The following RHOT1 variants were observed in gnomAD, a reference collection of about 807,000 sequenced individuals.
RHOT1 encodes the protein ras homolog family member T1.
In RHOT1, 27 loss-of-function variants were observed where a neutral mutation model predicts 95.3. That is an observed-to-expected ratio of 0.28 (90% CI 0.21 to 0.39). The LOEUF (loss-of-function observed/expected upper bound fraction) is 0.39, where lower values mean the gene tolerates loss of function less well. Ranked by LOEUF, RHOT1 falls within the 10% of genes least tolerant of loss-of-function variation. The pLI is 1.00. For missense variants in RHOT1, 578 were observed against 786.7 expected (o/e 0.73, Z 3.17); for synonymous variants, 227 against 263.5 (o/e 0.86, Z 1.34).
At chr17:32,169,172 G>A (rs2034364364) in intron 1 of RHOT1, among the ~76,000 whole-genome samples, 2 of 152,112 alleles carry the variant, frequency 1.3e-5, no homozygotes, top group South Asian at 4.1e-4. Flanking sequence ...CCAGAGACTG[G>A]ACTTGTGTTC....
At chr17:32,142,840 C>T in intron 1 of RHOT1, 111 bp downstream of exon 1, 1 of 933,864 alleles carries the variant, frequency 1.1e-6, no homozygotes, top group Admixed American at 2.3e-5. Context: ...CGGCCCTTCT[C>T]GCGCCTCACA....
At chr17:32,172,410 G>T (rs940568643) in intron 2 of RHOT1, among the ~76,000 whole-genome samples, 2 of 152,188 alleles carry the variant, frequency 1.3e-5, no homozygotes, top group African/African-American at 4.8e-5. Context: ...CCTCTTGATT[G>T]TGGATAAGGG....
chr17:32,165,384 A>G (rs1270802580), intron 1 of RHOT1, among the ~76,000 whole-genome samples: 2 of 148,812 alleles, frequency 1.3e-5, no homozygotes, highest in Non-Finnish European at 3.0e-5. Context: ...TTAGCCAGGC[A>G]TGGTGGCACA....
At chr17:32,176,615 C>T (rs1026287115) in intron 6 of RHOT1, among the ~76,000 whole-genome samples, 1 of 151,518 alleles carries the variant, frequency 6.6e-6, no homozygotes, top group African/African-American at 2.4e-5. Flanking sequence ...CTCTGTCGCC[C>T]AGGCTGGAGT....
At chr17:32,166,757 G>A (rs1241921788) in intron 1 of RHOT1, among the ~76,000 whole-genome samples, 1 of 152,096 alleles carries the variant, frequency 6.6e-6, no homozygotes, top group Admixed American at 6.6e-5. Flanking sequence ...ACATTTTTAG[G>A]CTTCACTTCT....
intron 19 of RHOT1, among the ~76,000 whole-genome samples, chr17:32,217,956 A>G (rs1567733326): frequency 1.3e-5 from 2 of 151,560 alleles, no homozygotes; most frequent in Admixed American, 6.6e-5. Context: ...CCCACCTCCC[A>G]GGTTCAAGTG....
chr17:32,198,621 A>G (rs1006950672), intron 11 of RHOT1, among the ~76,000 whole-genome samples: 45 of 152,178 alleles, frequency 3.0e-4, no homozygotes, highest in Admixed American at 2.5e-3. Flanking sequence ...AGATGGGTAG[A>G]TTGATTGAGC....
chr17:32,199,444 T>G lies in RHOT1; in HGVS notation c.994T>G (p.Leu332Val), dbSNP rs2037150073. 6.2e-7 allele frequency: 1 copy of G among 1,613,362 alleles called. No individual in the cohort carries two copies. The highest frequency in any genetic ancestry group is 8.5e-7 in the Non-Finnish European group (1 of 1,179,710). ...TTTGTCACCTGATGAGCTTAAAGAT[T>G]TATTTAAAGTTTTCCCTTACATACC... Reference protein sequence around the residue: ...CALSPDELKDLFKVFPYIPWG... With the variant: ...CALSPDELKDVFKVFPYIPWG... Residue 332 changes from leucine to valine, a missense_variant, in exon 13 of 20, where the codon TTA becomes GTA. Leu to Val is a conservative substitution (Grantham distance 32). Around this residue, in one of 4 missense-constraint regions of RHOT1, gnomAD observed 227 missense variants for 316.0 expected, o/e 0.72. Transcript: ENST00000545287.
At chr17:32,202,209 T>C (rs1313824368) in intron 14 of RHOT1, among the ~76,000 whole-genome samples, 1 of 152,118 alleles carries the variant, frequency 6.6e-6, no homozygotes, top group Non-Finnish European at 1.5e-5. Context: ...TGCACCCGGC[T>C]CTAAGAAGGT....
At chr17:32,208,421 A>T (rs2037905310) in intron 18 of RHOT1, 112 bp downstream of exon 18, 2 of 1,058,168 alleles carry the variant, frequency 1.9e-6, no homozygotes, top group East Asian at 4.8e-5. Flanking sequence ...CAACAGAAAG[A>T]TACTTTGTAA....
At chr17:32,186,237 A>G (rs2036041036) in intron 8 of RHOT1, among the ~76,000 whole-genome samples, 2 of 151,868 alleles carry the variant, frequency 1.3e-5, no homozygotes, top group Admixed American at 1.3e-4. Context: ...ATCCTAGTAG[A>G]TGTGGTTGGG....
chr17:32,209,570 G>T lies in RHOT1; in HGVS notation c.1739+1261G>T, dbSNP rs35910231. The stretch of plus-strand genomic sequence containing the variant: ...ATGTAGAAACGCACTGCTTGGTCAG[G>T]CTTCCTGCCTAGCTATATATTACGT... On this transcript the variant is annotated intron_variant, in intron 18 of 19. Coordinates refer to ENST00000545287, the MANE Select transcript of RHOT1 (RefSeq NM_001033566.3). 3.3e-4 allele frequency: 191 copies of T among 581,940 alleles called. 1 individual carries two copies. The South Asian group carries it at 4.0e-3, about 12-fold the overall frequency. 36.0% of individuals were successfully genotyped at this position (581,940 alleles called of 1,614,324 possible). A position where few individuals can be genotyped will look rare whatever the true frequency, so the allele number is the denominator to read the frequency against.
At chr17:32,197,833 A>T (rs2037017449) in intron 11 of RHOT1, among the ~76,000 whole-genome samples, 1 of 151,914 alleles carries the variant, frequency 6.6e-6, no homozygotes, top group South Asian at 2.1e-4. Context: ...ACAGCCTCCC[A>T]AAGTGCTGGG....
intron 6 of RHOT1, chr17:32,180,087 A>G (rs113376204): frequency 0.04 from 5,988 of 150,118 alleles, 474 homozygotes; most frequent in African/African-American, 0.15. Context: ...CTGCCCGGCC[A>G]CCCTGTCTGG....
At chr17:32,183,878 G>A in intron 8 of RHOT1, among the ~76,000 whole-genome samples, 1 of 152,080 alleles carries the variant, frequency 6.6e-6, no homozygotes, top group East Asian at 1.9e-4. Context: ...TAGAGACAGG[G>A]TTTCACCATA....
intron 6 of RHOT1, among the ~76,000 whole-genome samples, chr17:32,178,351 C>T (rs544126148): frequency 6.6e-6 from 1 of 152,256 alleles, no homozygotes; most frequent in East Asian, 1.9e-4. Context: ...GCCACCACTC[C>T]TGACTGGTTT....
chr17:32,208,085 G>T, intron 17 of RHOT1, 22 bp from the exon 18 acceptor site: 1 of 1,601,644 alleles, frequency 6.2e-7, no homozygotes, highest in South Asian at 1.1e-5. Context: ...ATCAGATTTT[G>T]ATTTCATTTT....
At chr17:32,193,304 G>T (rs994058812) in intron 10 of RHOT1, 60 bp downstream of exon 10, 19 of 1,057,408 alleles carry the variant, frequency 1.8e-5, no homozygotes, top group African/African-American at 3.1e-5. Context: ...TTGGCAGAAG[G>T]TGAAGGTCTT....
intron 16 of RHOT1, among the ~76,000 whole-genome samples, chr17:32,205,016 C>A (rs1263888023): frequency 6.6e-6 from 1 of 150,992 alleles, no homozygotes; most frequent in African/African-American, 2.4e-5. Flanking sequence ...ACTGAACTCC[C>A]CTTTTACTTT....
Sources: allele counts gnomAD v4.1 joint callset (sites outside exome capture counted in the v4.1 genomes callset), GRCh38; gene constraint gnomAD v4.1.1; regional missense constraint gnomAD v4.1.1; transcripts MANE v1.5; gene names NCBI Gene and HGNC (gene_info 2026-07-23, HGNC 2026-07-21).